VAV1: variants seen among roughly 807,000 people sequenced by gnomAD.
VAV1 encodes the protein vav guanine nucleotide exchange factor 1.
A neutral mutation model predicts 128.1 loss-of-function variants in VAV1; 33 were observed. The ratio of observed to expected loss-of-function variants is 0.26; its 90% CI spans 0.20 to 0.34. The LOEUF (loss-of-function observed/expected upper bound fraction) is 0.34, where lower values mean the gene tolerates loss of function less well. VAV1 is among the 10% of genes least tolerant of loss of function. VAV1 has a pLI of 1.00. For synonymous variants in VAV1, 394 were observed against 409.8 expected, an observed-to-expected ratio of 0.96 and a Z score of 0.47; for missense variants, 715 against 1,093.7, an observed-to-expected ratio of 0.65 and a Z score of 4.88.
intron 1 of VAV1, among the ~76,000 whole-genome samples, chr19:6,814,671 C>CCTTCTTTCTTTCTTTCTTTCTTTCTTT: frequency 7.8e-5 from 2 of 25,796 alleles, no homozygotes; most frequent in South Asian, 2.8e-3. Flanking sequence ...TTCCTTCCTT[C>CCTTCTTTCTTTCTTTCTTTCTTTCTTT]CTTTCTTTCT....
At chr19:6,794,635 C>T (rs1971090923) in intron 1 of VAV1, among the ~76,000 whole-genome samples, 1 of 152,162 alleles carries the variant, frequency 6.6e-6, no homozygotes, top group South Asian at 2.1e-4. Context: ...AATGAGCACC[C>T]ACTATGTTCA....
rs561576863 is a variant in VAV1, at chr19:6,852,473, G to T, written c.2218-492G>T. On this transcript the variant is annotated intron_variant, in intron 24 of 26. Coordinates refer to ENST00000602142, the MANE Select transcript of VAV1 (RefSeq NM_005428.4). ...ACGGTGGCTCACGCCTGTAATCCCA[G>T]CACTTTGGGAGGCCGAGGCAGGCGG... 2.0e-5 allele frequency among the ~76,000 whole-genome samples: 3 copies of T among 152,332 alleles called. No individual in the cohort carries two copies. The South Asian group carries it at 6.2e-4, about 32-fold the overall frequency.
intron 1 of VAV1, among the ~76,000 whole-genome samples, chr19:6,806,406 T>A (rs1325574313): frequency 6.6e-6 from 1 of 152,082 alleles, no homozygotes; most frequent in Non-Finnish European, 1.5e-5. Flanking sequence ...TTAATGAAAA[T>A]AATTTTTTCT....
intron 1 of VAV1, among the ~76,000 whole-genome samples, chr19:6,814,698 T>TTCTTTCTTTCTTTCTC (rs1971599608): frequency 3.0e-5 from 4 of 131,350 alleles, no homozygotes; most frequent in African/African-American, 9.9e-5. Flanking sequence ...CTTTCTTTCT[T>TTCTTTCTTTCTTTCTC]TCTTTCTTTC....
At position 6,833,644 on chromosome 19, in the gene VAV1, C is replaced by G. The variant is rs773169274; in HGVS notation, c.1708+19C>G. 1 of 1,614,030 alleles carries G rather than the reference C, an allele frequency of 6.2e-7. No individual in the cohort carries two copies. The highest frequency in any genetic ancestry group is 1.7e-5 in the Admixed American group (1 of 59,998). On this transcript the variant is annotated intron_variant, in intron 17 of 26. Transcript: ENST00000602142. ...GGGCAAGGTACGAGTGGGAGGGAGG[C>G]TGGGAGGTGAGCTTGGTTCTCTTTG...
intron 1 of VAV1, among the ~76,000 whole-genome samples, chr19:6,802,781 C>G (rs1052701479): frequency 1.3e-5 from 2 of 152,192 alleles, no homozygotes; most frequent in African/African-American, 4.8e-5. Flanking sequence ...ATCTGGTTCT[C>G]CATTCCTATC....
At chr19:6,785,106 A>T (rs549637086) in intron 1 of VAV1, among the ~76,000 whole-genome samples, 11 of 151,892 alleles carry the variant, frequency 7.2e-5, no homozygotes, top group Admixed American at 3.9e-4. Flanking sequence ...TTCTTCAGGG[A>T]TTTCTCTTCC....
intron 25 of VAV1, 48 bp from the exon 26 acceptor site, chr19:6,853,899 T>C: frequency 6.3e-7 from 1 of 1,587,862 alleles, no homozygotes; most frequent in Non-Finnish European, 8.5e-7. Context: ...AGAGAGTGAG[T>C]GGGTATCTGC....
intron 1 of VAV1, among the ~76,000 whole-genome samples, chr19:6,812,354 T>C (rs1971531853): frequency 6.6e-6 from 1 of 152,130 alleles, no homozygotes; most frequent in Non-Finnish European, 1.5e-5. Context: ...ATCTGAGGTA[T>C]TTTCCAGTTT....
At chr19:6,802,045 TAC>T in intron 1 of VAV1, among the ~76,000 whole-genome samples, 1 of 151,696 alleles carries the variant, frequency 6.6e-6, no homozygotes, top group East Asian at 1.9e-4. Flanking sequence ...ATGCCTCTCC[TAC>T]GTTTGTTTAA....
chr19:6,796,743 A>T (rs1048826028), intron 1 of VAV1, among the ~76,000 whole-genome samples: 1 of 151,988 alleles, frequency 6.6e-6, no homozygotes, highest in African/African-American at 2.4e-5. Flanking sequence ...GACATTCTCC[A>T]TTCCTTTTCC....
intron 24 of VAV1, among the ~76,000 whole-genome samples, chr19:6,852,353 C>G (rs1167889554): frequency 6.6e-6 from 1 of 152,050 alleles, no homozygotes; most frequent in Non-Finnish European, 1.5e-5. Context: ...GCATGTGGCC[C>G]CATAGAAGGT....
Position 6,833,551 on chromosome 19 carries a change from G to A in VAV1, c.1634G>A (p.Arg545His), listed in dbSNP as rs1172825998. 1.9e-5 allele frequency: 30 copies of A among 1,610,364 alleles called. No individual in the cohort carries two copies. Among genetic ancestry groups the A allele is most frequent in the East Asian group, 2.2e-5 (1 of 44,816 alleles). Reference protein sequence around the residue: ...LLRGTFYQGYRCHRCRASAHK... With the variant: ...LLRGTFYQGYHCHRCRASAHK... ...AGAGGTACCTTCTATCAGGGCTACC[G>A]CTGCCATCGGTGCCGGGCATCTGCA... Residue 545 changes from arginine to histidine, a missense_variant, in exon 17 of 27, where the codon CGC (arginine) becomes CAC (histidine). By Grantham distance (29) the Arg-to-His change is conservative (BLOSUM62 0). This residue lies in a region of VAV1 where 407 missense variants were observed against 580.6 expected (regional missense o/e 0.70). Transcript: ENST00000602142.
chr19:6,827,275 TTTG>T (rs948185833), intron 9 of VAV1, among the ~76,000 whole-genome samples: 1 of 151,996 alleles, frequency 6.6e-6, no homozygotes, highest in African/African-American at 2.4e-5. Flanking sequence ...TTTGTTTTGT[TTTG>T]TTTTTTTGAG....
intron 19 of VAV1, among the ~76,000 whole-genome samples, chr19:6,835,199 G>GTATA (rs1042586889): frequency 8.4e-6 from 1 of 119,004 alleles, no homozygotes; most frequent in African/African-American, 3.2e-5. Flanking sequence ...ATATATATGT[G>GTATA]TATATATATA....
chr19:6,849,944 A>G (rs1972623942), intron 23 of VAV1, among the ~76,000 whole-genome samples: 1 of 152,110 alleles, frequency 6.6e-6, no homozygotes, highest in Admixed American at 6.6e-5. Context: ...TCCTTTGGGT[A>G]GATACCCAGT....
chr19:6,806,620 G>C (rs138914832), intron 1 of VAV1, among the ~76,000 whole-genome samples: 1 of 152,116 alleles, frequency 6.6e-6, no homozygotes, highest in East Asian at 1.9e-4. Flanking sequence ...CCAACACAGC[G>C]GAGAGTAAAT....
intron 1 of VAV1, among the ~76,000 whole-genome samples, chr19:6,812,223 A>C (rs1015856322): frequency 2.0e-5 from 3 of 152,210 alleles, no homozygotes. Context: ...GACAGCAGGA[A>C]TAGAACTAAG....
intron 1 of VAV1, among the ~76,000 whole-genome samples, chr19:6,796,227 C>T (rs1971131740): frequency 6.6e-6 from 1 of 152,320 alleles, no homozygotes; most frequent in African/African-American, 2.4e-5. Context: ...CTGCCTTCAG[C>T]CTGACTTGCT....
Sources: allele counts gnomAD v4.1 joint callset (sites outside exome capture counted in the v4.1 genomes callset), GRCh38; gene constraint gnomAD v4.1.1; regional missense constraint gnomAD v4.1.1; transcripts MANE v1.5; gene names NCBI Gene and HGNC (gene_info 2026-07-23, HGNC 2026-07-21).